TNIK: variants seen among roughly 807,000 people sequenced by gnomAD.
TNIK encodes the protein TRAF2 and NCK-interacting protein kinase.
TNIK carries 49 observed loss-of-function variants against 191.3 expected under a neutral mutation model. The observed-to-expected ratio is 0.26, with a 90% CI of 0.20 to 0.32. The LOEUF (loss-of-function observed/expected upper bound fraction) is 0.32. TNIK is among the 10% of genes least tolerant of loss of function. TNIK has a pLI of 1.00. For synonymous variants in TNIK, 594 were observed against 600.9 expected, an observed-to-expected ratio of 0.99 and a Z score of 0.17; for missense variants, 1,155 against 1,702.3, an observed-to-expected ratio of 0.68 and a Z score of 5.66.
At position 171,131,337 on chromosome 3, in the gene TNIK, CAAAAAAAAAAAAAAAAAAAAA is replaced by C. The variant is rs61728094; in HGVS notation, c.1609-2480_1609-2460del. On this transcript the variant is annotated intron_variant, in intron 15 of 32. Coordinates refer to ENST00000436636, the MANE Select transcript of TNIK (RefSeq NM_015028.4). ...TGGGCGACAGAGCGAGACTCCGTCT[CAAAAAAAAAAAAAAAAAAAAA>C]AAAAAAAAAAAAAAAAGAAATGAAC... 6.9e-4 allele frequency among the ~76,000 whole-genome samples: 16 copies of C among 23,164 alleles called. No homozygotes were observed. The East Asian group carries it at 0.028, about 41-fold the overall frequency. 15.2% of individuals were successfully genotyped at this position (23,164 alleles called of 152,430 possible).
chr3:171,119,191 A>G (rs1478286821), intron 18 of TNIK, among the ~76,000 whole-genome samples: 1 of 152,258 alleles, frequency 6.6e-6, no homozygotes, highest in East Asian at 1.9e-4. Flanking sequence ...ACATGAAAAA[A>G]TGCATCATCA....
At chr3:171,297,445 A>G (rs1159101858) in intron 2 of TNIK, among the ~76,000 whole-genome samples, 1 of 152,188 alleles carries the variant, frequency 6.6e-6, no homozygotes. Flanking sequence ...GGTTTCCCTC[A>G]AGTGATATTA....
intron 2 of TNIK, among the ~76,000 whole-genome samples, chr3:171,331,107 T>A (rs1349165512): frequency 6.6e-6 from 1 of 152,240 alleles, no homozygotes; most frequent in African/African-American, 2.4e-5. Context: ...GCACATGTTC[T>A]GATCCCTTGC....
intron 20 of TNIK, 114 bp from the exon 21 acceptor site, chr3:171,107,320 A>G: frequency 1.1e-6 from 1 of 904,680 alleles, no homozygotes; most frequent in Non-Finnish European, 1.7e-6. Flanking sequence ...ATAAATACAA[A>G]AGGGCGAAGA....
At chr3:171,161,401 G>A (rs1018270345) in intron 10 of TNIK, 65 bp from the exon 11 acceptor site, 53 of 1,433,196 alleles carry the variant, frequency 3.7e-5, no homozygotes, top group Admixed American at 9.2e-5. Context: ...GCCCAACCCC[G>A]TCTCTTATAT....
intron 1 of TNIK, among the ~76,000 whole-genome samples, chr3:171,377,951 G>A (rs1444858096): frequency 1.3e-5 from 2 of 152,164 alleles, no homozygotes; most frequent in Admixed American, 1.3e-4. Flanking sequence ...CTCTACAAAT[G>A]GCCAATGCTG....
At chr3:171,133,531 A>G (rs1056286891) in intron 15 of TNIK, among the ~76,000 whole-genome samples, 8 of 152,214 alleles carry the variant, frequency 5.3e-5, no homozygotes, top group Admixed American at 2.6e-4. Context: ...GAGCTTCCCA[A>G]TTGTGAGGCA....
At chr3:171,281,928 T>G (rs113350130) in intron 2 of TNIK, among the ~76,000 whole-genome samples, 36 of 152,204 alleles carry the variant, frequency 2.4e-4, no homozygotes, top group African/African-American at 8.4e-4. Context: ...GAGAACCCAG[T>G]TGAGCCTGAC....
chr3:171,174,182 A>G (rs1303970192), intron 9 of TNIK, among the ~76,000 whole-genome samples: 3 of 152,224 alleles, frequency 2.0e-5, no homozygotes, highest in African/African-American at 7.2e-5. Flanking sequence ...CTGTTCCACC[A>G]GGGTGGCTCT....
At chr3:171,257,646 C>G (rs1052678783) in intron 2 of TNIK, among the ~76,000 whole-genome samples, 4 of 152,182 alleles carry the variant, frequency 2.6e-5, no homozygotes, top group Non-Finnish European at 5.9e-5. Context: ...ATGCCACTTT[C>G]AAAGCCTAGC....
chr3:171,272,936 GAATA>G (rs1046495600), intron 2 of TNIK, among the ~76,000 whole-genome samples: 3 of 152,210 alleles, frequency 2.0e-5, no homozygotes, highest in African/African-American at 7.2e-5. Flanking sequence ...TTGTGCATTT[GAATA>G]AATAGATATT....
rs1717907423 is a variant in TNIK at position 171,062,318 on chromosome 3, G to T, written c.*1563C>A. 1 of 152,134 alleles carries T rather than the reference G, an allele frequency of 6.6e-6. No homozygotes were observed. The highest frequency in any genetic ancestry group is 2.4e-5 in the African/African-American group (1 of 41,424). The allele number at this position is 152,134 out of a possible 1,614,324, so 9.4% of individuals were successfully genotyped here. A position where few individuals can be genotyped will look rare whatever the true frequency, so the allele number is the denominator to read the frequency against. On this transcript the variant is annotated 3_prime_UTR_variant, in exon 33 of 33. Transcript: ENST00000436636. ...CGTTTTAAAAATGTTAAATGCACCT[G>T]AGATTGCCGGTTGAGCTCTCTATAT...
At chr3:171,213,179 G>A (rs924684950) in intron 3 of TNIK, among the ~76,000 whole-genome samples, 1 of 152,024 alleles carries the variant, frequency 6.6e-6, no homozygotes. Flanking sequence ...TCCCTACAGC[G>A]CACCTCCAAT....
Position 171,460,157 on chromosome 3 carries a change from G to A in TNIK, c.-94C>T. 8 of 1,492,978 alleles carry A rather than the reference G, an allele frequency of 5.4e-6. No homozygotes were observed. The highest frequency in any genetic ancestry group is 7.3e-6 in the Non-Finnish European group (8 of 1,101,524). The allele number at this position is 1,492,978 out of a possible 1,614,324, so 92.5% of individuals were successfully genotyped here. A position where few individuals can be genotyped will look rare whatever the true frequency, so the allele number is the denominator to read the frequency against. ...GTCTATTTCACTCGCGTCCTCATGC[G>A]GGTGTCGCGCCAGAGGCCCCGGGCC... On this transcript the variant is annotated 5_prime_UTR_variant, in exon 1 of 33. Coordinates refer to ENST00000436636, the MANE Select transcript of TNIK (RefSeq NM_015028.4). This position sits in a 1 kb window ranked among gnomAD's most constrained non-coding sequence, Gnocchi z 6.8.
intron 1 of TNIK, among the ~76,000 whole-genome samples, chr3:171,397,375 A>G (rs898011647): frequency 2.6e-4 from 40 of 152,302 alleles, no homozygotes; most frequent in African/African-American, 9.6e-4. Context: ...AAAGTTGGCC[A>G]ACACAGTAAC....
intron 2 of TNIK, among the ~76,000 whole-genome samples, chr3:171,352,883 A>G (rs1247658540): frequency 2.0e-5 from 3 of 152,200 alleles, no homozygotes; most frequent in Non-Finnish European, 4.4e-5. Context: ...GTATTCAGAA[A>G]TGCAAAAGTA....
chr3:171,147,006 T>C (rs982822100), intron 12 of TNIK, among the ~76,000 whole-genome samples: 7 of 152,150 alleles, frequency 4.6e-5, no homozygotes, highest in African/African-American at 1.7e-4. Context: ...TGCAAATCTG[T>C]TCATTCTAAG....
chr3:171,161,417 T>C (rs1733973239), intron 10 of TNIK, 81 bp from the exon 11 acceptor site: 2 of 1,243,134 alleles, frequency 1.6e-6, no homozygotes, highest in African/African-American at 3.0e-5. Context: ...TATATATAAA[T>C]AAATAGACAC....
chr3:171,154,118 G>T (rs6782458), intron 12 of TNIK, among the ~76,000 whole-genome samples: 10,511 of 152,194 alleles, frequency 0.069, 469 homozygotes, highest in Middle Eastern at 0.12. Context: ...AACAACAATT[G>T]AGTCTAACAT....
Sources: gnomAD v4.1 joint callset for allele counts (sites outside exome capture counted in the v4.1 genomes callset) on GRCh38, gnomAD v4.1.1 for gene constraint, Gnocchi (gnomAD v3.1) non-coding constraint, MANE v1.5 for transcripts, NCBI Gene and HGNC (gene_info 2026-07-23, HGNC 2026-07-21) for gene names.